Variants in APAF1 observed in about 807,000 individuals in gnomAD.
APAF1 encodes apoptotic protease-activating factor 1.
APAF1 carries 91 observed loss-of-function variants against 152.4 expected under a neutral mutation model. That is an observed-to-expected ratio of 0.60 (90% CI 0.50 to 0.71). The LOEUF (loss-of-function observed/expected upper bound fraction) is 0.71, where lower values mean the gene tolerates loss of function less well. Ranked by LOEUF, APAF1 falls within the 30% of genes least tolerant of loss-of-function variation. APAF1 has a pLI of 0.00. For missense variants in APAF1, 1,283 were observed against 1,472.0 expected (o/e 0.87, Z 2.10); for synonymous variants, 484 against 494.1 (o/e 0.98, Z 0.27).
chr12:98,667,393 G>A, intron 9 of APAF1, 120 bp from the exon 10 acceptor site: 1 of 1,227,630 alleles, frequency 8.1e-7, no homozygotes, highest in Non-Finnish European at 1.2e-6. Context: ...TGGGATTACA[G>A]GCGTGAGCCA....
chr12:98,689,448 G>C (rs2097701658), intron 16 of APAF1, among the ~76,000 whole-genome samples: 1 of 143,590 alleles, frequency 7.0e-6, no homozygotes, highest in South Asian at 2.2e-4. Flanking sequence ...GAGAGAGAGA[G>C]AGAGAGAGAG....
At chr12:98,669,464 C>G (rs1289109015) in intron 10 of APAF1, among the ~76,000 whole-genome samples, 3 of 152,160 alleles carry the variant, frequency 2.0e-5, no homozygotes, top group Non-Finnish European at 4.4e-5. Context: ...GATCATTTTG[C>G]TGCTTCTATA....
intron 26 of APAF1, among the ~76,000 whole-genome samples, chr12:98,727,546 C>CA (rs10718979): frequency 1.6e-4 from 19 of 116,034 alleles, no homozygotes; most frequent in South Asian, 5.6e-4. Flanking sequence ...CATCCTGTCT[C>CA]AAAAAAAAAA....
At chr12:98,721,256 C>T (rs1426610965) in intron 22 of APAF1, among the ~76,000 whole-genome samples, 2 of 152,238 alleles carry the variant, frequency 1.3e-5, no homozygotes. Flanking sequence ...TATTCTTAAT[C>T]TGCCCTCAGT....
At chr12:98,715,235 C>CATATATATCTATAT (rs2097732905) in intron 21 of APAF1, among the ~76,000 whole-genome samples, 192 bp from the exon 22 acceptor site, 1 of 54,774 alleles carries the variant, frequency 1.8e-5, no homozygotes, top group Non-Finnish European at 3.5e-5. Context: ...ACATGGTGTG[C>CATATATATCTATAT]ATATATATAT....
At chr12:98,659,752 G>GAAAAAAAAA (rs34536171) in intron 5 of APAF1, among the ~76,000 whole-genome samples, 1 of 89,920 alleles carries the variant, frequency 1.1e-5, no homozygotes, top group Non-Finnish European at 2.1e-5. Context: ...AACTCCATCA[G>GAAAAAAAAA]AAAAAAAAAA....
intron 16 of APAF1, among the ~76,000 whole-genome samples, chr12:98,691,270 C>T (rs535952410): frequency 6.6e-6 from 1 of 152,038 alleles, no homozygotes; most frequent in Admixed American, 6.6e-5. Context: ...TTTCCTGGCA[C>T]CTTGTTTCAT....
chr12:98,652,592 C>T (rs1593018113), intron 4 of APAF1, among the ~76,000 whole-genome samples: 6 of 151,684 alleles, frequency 4.0e-5, no homozygotes, highest in Admixed American at 3.9e-4. Flanking sequence ...ATATTCTAGA[C>T]ATTAAACTTT....
chr12:98,711,461 A>C (rs187835952), intron 20 of APAF1, among the ~76,000 whole-genome samples: 7 of 152,170 alleles, frequency 4.6e-5, no homozygotes, highest in Non-Finnish European at 8.8e-5. Context: ...TCGTAGTTCA[A>C]TTTTCATTTT....
rs537122015 is a variant in APAF1, at chr12:98,647,949, TTGAGCTACCACACC to T, written c.-41-366_-41-353del. Among the ~76,000 whole-genome samples the T allele has an allele frequency of 8.1e-4, 123 of 152,282 alleles. 1 individual carries two copies. In the South Asian group the frequency reaches 0.025, roughly 31 times the overall value. The stretch of plus-strand genomic sequence containing the variant: ...CTCCCAATGTGCTGGGATTATAGGC[TTGAGCTACCACACC>T]TGATTGGAAACTCATTAATTCTCCT... On this transcript the variant is annotated intron_variant, in intron 1 of 26. Transcript: ENST00000551964.
At chr12:98,712,111 T>G (rs2097728487) in intron 20 of APAF1, among the ~76,000 whole-genome samples, 1 of 152,228 alleles carries the variant, frequency 6.6e-6, no homozygotes, top group Admixed American at 6.5e-5. Context: ...TTTATGAAAA[T>G]GTATTTGAAC....
At chr12:98,703,819 A>G (rs760538944) in intron 18 of APAF1, among the ~76,000 whole-genome samples, 4 of 152,220 alleles carry the variant, frequency 2.6e-5, no homozygotes, top group Non-Finnish European at 4.4e-5. Flanking sequence ...TATCCAGTAT[A>G]GATATGTGGC....
intron 17 of APAF1, among the ~76,000 whole-genome samples, chr12:98,700,871 GTC>G (rs1179437594): frequency 6.6e-6 from 1 of 152,082 alleles, no homozygotes; most frequent in Admixed American, 6.5e-5. Context: ...GTCCTTTTGT[GTC>G]TGACTCATTT....
At chr12:98,694,088 A>T (rs1166955151) in intron 16 of APAF1, among the ~76,000 whole-genome samples, 1 of 152,188 alleles carries the variant, frequency 6.6e-6, no homozygotes, top group East Asian at 1.9e-4. Context: ...CAGAAGAATG[A>T]AACTAGACCT....
At chr12:98,671,741 C>T (rs1296733584) in intron 12 of APAF1, 22 bp downstream of exon 12, 2 of 1,608,676 alleles carry the variant, frequency 1.2e-6, no homozygotes, top group Non-Finnish European at 1.7e-6. Context: ...AGGAGAGAAA[C>T]CAAAGGGAGT....
At chr12:98,649,341 GA>G in intron 3 of APAF1, 145 bp from the exon 4 acceptor site, 1 of 1,294,834 alleles carries the variant, frequency 7.7e-7, no homozygotes, top group Non-Finnish European at 1.1e-6. Flanking sequence ...TCAGAAAATT[GA>G]AGTTAATATG....
chr12:98,676,006 G>T (rs1020290327), intron 12 of APAF1, among the ~76,000 whole-genome samples: 1 of 152,122 alleles, frequency 6.6e-6, no homozygotes. Flanking sequence ...GTTAGGTTAA[G>T]TAATTTGCTC....
At chr12:98,685,488 C>T (rs2097697018) in intron 15 of APAF1, among the ~76,000 whole-genome samples, 1 of 151,426 alleles carries the variant, frequency 6.6e-6, no homozygotes, top group South Asian at 2.1e-4. Flanking sequence ...GGTGCCGTGC[C>T]ACCATGCCTG....
chr12:98,723,007 A>G (rs1010528996), intron 22 of APAF1, among the ~76,000 whole-genome samples, 186 bp from the exon 23 acceptor site: 1 of 152,166 alleles, frequency 6.6e-6, no homozygotes, highest in African/African-American at 2.4e-5. Context: ...CCCCTAGTCA[A>G]TTTACATAAC....
Sources: gnomAD v4.1 joint callset for allele counts (sites outside exome capture counted in the v4.1 genomes callset) on GRCh38, gnomAD v4.1.1 for gene constraint, MANE v1.5 for transcripts, NCBI Gene and HGNC (gene_info 2026-07-23, HGNC 2026-07-21) for gene names.